Variants in BANP observed in about 807,000 individuals in gnomAD.
BANP encodes the protein protein BANP.
A neutral mutation model predicts 68.1 loss-of-function variants in BANP; 11 were observed. The observed-to-expected ratio is 0.16, with a 90% CI of 0.10 to 0.27. BANP has a LOEUF of 0.27. BANP is among the 10% of genes least tolerant of loss of function. The pLI is 1.00. For synonymous variants in BANP, 329 were observed against 303.2 expected (o/e 1.09, Z -0.88); for missense variants, 504 against 722.7 (o/e 0.70, Z 3.47).
chr16:88,039,943 A>G (rs2080331117), intron 11 of BANP, among the ~76,000 whole-genome samples: 1 of 152,238 alleles, frequency 6.6e-6, no homozygotes, highest in African/African-American at 2.4e-5. Context: ...GAATGAATAA[A>G]GCTGCCGTAC....
At chr16:87,967,973 C>T (rs1165818707) in intron 1 of BANP, among the ~76,000 whole-genome samples, 1 of 147,984 alleles carries the variant, frequency 6.8e-6, no homozygotes, top group African/African-American at 2.4e-5. Context: ...AGGCTGGTCT[C>T]GAACTCCCGA....
At chr16:88,075,256 G>GA (rs1297205160) in intron 13 of BANP, among the ~76,000 whole-genome samples, 1 of 152,234 alleles carries the variant, frequency 6.6e-6, no homozygotes, top group African/African-American at 2.4e-5. Context: ...TGAGGCAGGA[G>GA]AACTGCTTGA....
intron 12 of BANP, among the ~76,000 whole-genome samples, chr16:88,070,892 A>G (rs184283970): frequency 4.6e-5 from 7 of 152,364 alleles, no homozygotes; most frequent in African/African-American, 1.4e-4. Context: ...TCGTATCTTT[A>G]AAAGGCTTGT....
At position 88,071,644 on chromosome 16, in the gene BANP, C is replaced by T. The variant is rs766437124; in HGVS notation, c.1378-425C>T. 2.2e-6 allele frequency: 1 copy of T among 464,994 alleles called. No individual in the cohort carries two copies. The highest frequency in any genetic ancestry group is 4.3e-6 in the Non-Finnish European group (1 of 232,878). 28.8% of individuals were successfully genotyped at this position (464,994 alleles called of 1,614,324 possible). ...GGAATGGGGAGGGTTTGGGTCTCAG[C>T]CTCACGCTCACGGTCCTGGCTTGGA... is the stretch of plus-strand genomic sequence containing the variant. On this transcript the variant is annotated intron_variant, in intron 12 of 13. Coordinates refer to ENST00000682872, the MANE Select transcript of BANP (RefSeq NM_001386991.1). The surrounding 1 kb of genome is among the most constrained non-coding windows in gnomAD (Gnocchi z 6.5).
chr16:87,954,126 C>G (rs1400840023), intron 1 of BANP, among the ~76,000 whole-genome samples: 1 of 152,026 alleles, frequency 6.6e-6, no homozygotes, highest in African/African-American at 2.4e-5. Flanking sequence ...TTAGGAGTTC[C>G]TGTTTGTGAT....
At chr16:88,006,291 C>T (rs1331075545) in intron 6 of BANP, 26 bp downstream of exon 6, 30 of 1,561,742 alleles carry the variant, frequency 1.9e-5, no homozygotes, top group Non-Finnish European at 2.5e-5. Flanking sequence ...CTTTCCTCGG[C>T]CAGAGCGCCA....
Position 88,051,921 on chromosome 16 carries a change from G to A in BANP, c.1312-13346G>A, listed in dbSNP as rs149823997. ...ATTCCATTCATCTCATTTGTTTGAG[G>A]AGTTTAAGAAAATAAAGTGAAGACC... On this transcript the variant is annotated intron_variant, in intron 11 of 13. Transcript: ENST00000682872. 2.6e-5 allele frequency among the ~76,000 whole-genome samples: 4 copies of A among 152,196 alleles called. No individual in the cohort carries two copies. The East Asian group carries it at 7.7e-4, about 29-fold the overall frequency.
intron 11 of BANP, among the ~76,000 whole-genome samples, chr16:88,061,871 G>C (rs915809349): frequency 6.6e-6 from 1 of 151,990 alleles, no homozygotes; most frequent in Admixed American, 6.5e-5. Flanking sequence ...CTCCATGTTG[G>C]TCAGGCTGGT....
intron 11 of BANP, among the ~76,000 whole-genome samples, chr16:88,062,791 T>A (rs1382730523): frequency 6.6e-6 from 1 of 152,192 alleles, no homozygotes; most frequent in Non-Finnish European, 1.5e-5. Context: ...GCACATTCAT[T>A]GTTGGGCACT....
chr16:87,973,664 C>T (rs1357410973), intron 1 of BANP, among the ~76,000 whole-genome samples: 4 of 146,336 alleles, frequency 2.7e-5, no homozygotes, highest in African/African-American at 5.1e-5. Flanking sequence ...GAAGCTGAGG[C>T]AGGAAAATTG....
chr16:88,019,587 T>TGGG (rs2075468482), intron 7 of BANP, among the ~76,000 whole-genome samples: 2 of 6,284 alleles, frequency 3.2e-4, no homozygotes, highest in African/African-American at 7.9e-4. Context: ...GTCCGGGATC[T>TGGG]CGGCGTGCGG....
intron 4 of BANP, among the ~76,000 whole-genome samples, chr16:87,992,967 C>G (rs2066268662): frequency 6.6e-6 from 1 of 152,222 alleles, no homozygotes; most frequent in African/African-American, 2.4e-5. Context: ...CCAGGCCTCC[C>G]TGGGCTCCTC....
At chr16:88,062,356 C>T (rs1236129484) in intron 11 of BANP, among the ~76,000 whole-genome samples, 3 of 152,214 alleles carry the variant, frequency 2.0e-5, no homozygotes, top group African/African-American at 7.2e-5. Context: ...CACAGAATTT[C>T]TGCATTCTCA....
At chr16:88,006,758 C>G (rs1326780776) in intron 6 of BANP, among the ~76,000 whole-genome samples, 2 of 151,002 alleles carry the variant, frequency 1.3e-5, no homozygotes, top group Non-Finnish European at 2.9e-5. Flanking sequence ...TCAAGACCAG[C>G]CTGGCCAAAA....
At chr16:88,055,440 G>A (rs1189622683) in intron 11 of BANP, among the ~76,000 whole-genome samples, 1 of 152,182 alleles carries the variant, frequency 6.6e-6, no homozygotes, top group Non-Finnish European at 1.5e-5. Flanking sequence ...CAGGCTTGGT[G>A]ACCTTGAAGC....
intron 1 of BANP, among the ~76,000 whole-genome samples, chr16:87,971,782 C>T (rs140408947): frequency 6.6e-6 from 1 of 152,002 alleles, no homozygotes; most frequent in African/African-American, 2.4e-5. Flanking sequence ...TTTGGTATTC[C>T]ATTTCATTGC....
chr16:88,061,689 A>T (rs1486356486), intron 11 of BANP, among the ~76,000 whole-genome samples: 1 of 146,828 alleles, frequency 6.8e-6, no homozygotes, highest in African/African-American at 2.5e-5. Context: ...TTTGAGACGG[A>T]GTTTTTGCTT....
Position 88,036,013 on chromosome 16 carries a change from G to A in BANP, c.1272+619G>A, listed in dbSNP as rs2079258216. 6.6e-6 allele frequency among the ~76,000 whole-genome samples: 1 copy of A among 152,212 alleles called. No homozygotes were observed. Among genetic ancestry groups the A allele is most frequent in the African/African-American group, 2.4e-5 (1 of 41,446 alleles). Reference sequence around the variant, plus strand: ...AATGTGAAGGCGGCAGTGACAGTCTGAGTTCTTGGAAAGCCGAGGCCAGCC... The same window carrying A: ...AATGTGAAGGCGGCAGTGACAGTCTAAGTTCTTGGAAAGCCGAGGCCAGCC... On this transcript the variant is annotated intron_variant, in intron 10 of 13. Transcript: ENST00000682872. The surrounding 1 kb of genome is among the most constrained non-coding windows in gnomAD (Gnocchi z 4.2).
intron 4 of BANP, among the ~76,000 whole-genome samples, chr16:87,992,629 A>C (rs2066142267): frequency 6.6e-6 from 1 of 152,112 alleles, no homozygotes; most frequent in Non-Finnish European, 1.5e-5. Context: ...CCCCGTCTCT[A>C]CTAAAAATAC....
Sources: allele counts gnomAD v4.1 joint callset (sites outside exome capture counted in the v4.1 genomes callset), GRCh38; gene constraint gnomAD v4.1.1; non-coding constraint Gnocchi (gnomAD v3.1); transcripts MANE v1.5; gene names NCBI Gene and HGNC (gene_info 2026-07-23, HGNC 2026-07-21).